Variants in NAB2 observed in about 807,000 individuals in gnomAD.
The protein encoded by NAB2 is NGFI-A-binding protein 2.
NAB2 carries 9 observed loss-of-function variants against 44.2 expected under a neutral mutation model. The observed-to-expected ratio is 0.20, with a 90% CI of 0.12 to 0.36. The LOEUF (loss-of-function observed/expected upper bound fraction) is 0.36, where lower values mean the gene tolerates loss of function less well. NAB2 is among the 10% of genes least tolerant of loss of function. The pLI, the probability that NAB2 is intolerant of heterozygous loss-of-function variation, is 1.00. For synonymous variants in NAB2, 342 were observed against 291.0 expected (o/e 1.18, Z -1.78); for missense variants, 514 against 709.0 (o/e 0.73, Z 3.12).
At position 57,094,777 on chromosome 12, in the gene NAB2, C is replaced by G. The variant is rs2033306643; in HGVS notation, c.*56C>G. On this transcript the variant is annotated 3_prime_UTR_variant, in exon 7 of 7. Coordinates refer to ENST00000300131, the MANE Select transcript of NAB2 (RefSeq NM_005967.4). ...CTCAGACTTCTGGCTCACACAGACC[C>G]CCACGCTCTCCATCCCCGGAATCTA... is the stretch of plus-strand genomic sequence containing the variant. 2.2e-6 allele frequency: 3 copies of G among 1,381,702 alleles called. No individual in the cohort carries two copies. The East Asian group carries it at 7.5e-5, about 35-fold the overall frequency. The allele number at this position is 1,381,702 out of a possible 1,614,324, so 85.6% of individuals were successfully genotyped here.
chr12:57,092,062 C>T (rs896596926), intron 2 of NAB2, 64 bp downstream of exon 2: 11 of 1,540,390 alleles, frequency 7.1e-6, no homozygotes, highest in Admixed American at 3.9e-5. Context: ...CTTACCTCTG[C>T]GAGTTTCTAC....
rs1199917675 is a variant in NAB2, at chr12:57,089,325, C to CG, written c.55dup (p.Ala19GlyfsTer41). The CG allele has an allele frequency of 6.3e-7, 1 of 1,576,372 alleles. No individual in the cohort carries two copies. Among genetic ancestry groups the CG allele is most frequent in the Non-Finnish European group, 8.6e-7 (1 of 1,161,524 alleles). On this transcript the variant is annotated frameshift_variant, in exon 1 of 7. Transcript: ENST00000300131. LOFTEE classifies it high-confidence loss of function. Reference sequence around the variant, plus strand: ...AGCAGCCGCCGGGCGGAGGGGACAGCGCCCGCCGGACCCTGCAGCCCAGAC... The same window carrying CG: ...AGCAGCCGCCGGGCGGAGGGGACAGCGGCCCGCCGGACCCTGCAGCCCAGAC...
intron 3 of NAB2, 101 bp from the exon 4 acceptor site, chr12:57,092,816 C>G: frequency 6.7e-7 from 1 of 1,498,598 alleles, no homozygotes. Flanking sequence ...AGCTTCTTGG[C>G]AAAGGTTTTA....
Position 57,091,520 on chromosome 12 carries a change from C to G in NAB2, c.479C>G (p.Pro160Arg). 6.2e-7 allele frequency: 1 copy of G among 1,613,616 alleles called. No individual in the cohort carries two copies. Among genetic ancestry groups the G allele is most frequent in the Non-Finnish European group, 8.5e-7 (1 of 1,179,834 alleles). ...EKAGSARSFSPKSPLELGEKL... is the reference protein window; with the variant it reads ...EKAGSARSFSRKSPLELGEKL... ...GCAGGCAGTGCCCGCAGTTTTAGCCCCAAGAGCCCCCTTGAACTTGGAGAG... is the reference window on the plus strand; with the variant it reads ...GCAGGCAGTGCCCGCAGTTTTAGCCGCAAGAGCCCCCTTGAACTTGGAGAG... Residue 160 changes from proline (P) to arginine (R), a missense_variant, in exon 2 of 7, where the codon CCC (proline) becomes CGC (arginine). By Grantham distance (103) the Pro-to-Arg change is moderately radical (BLOSUM62 -2). Transcript: ENST00000300131. The surrounding 1 kb of genome is among the most constrained non-coding windows in gnomAD (Gnocchi z 7.3).
chr12:57,094,731 T>G lies in NAB2; in HGVS notation c.*10T>G. ...GGCCAGCCGGCAGTGAGGGTTGGAC[T>G]GGTGTCTTCAGACCCAGGACCTCAG... On this transcript the variant is annotated 3_prime_UTR_variant, in exon 7 of 7. Coordinates refer to ENST00000300131, the MANE Select transcript of NAB2 (RefSeq NM_005967.4). The G allele has an allele frequency of 6.5e-7, 1 of 1,548,366 alleles. No homozygotes were observed.
At chr12:57,092,297 C>A in intron 2 of NAB2, 151 bp from the exon 3 acceptor site, 1 of 1,228,162 alleles carries the variant, frequency 8.1e-7, no homozygotes, top group Non-Finnish European at 1.1e-6. Flanking sequence ...CTCTGTCTTC[C>A]CACCTCAGAA....
At chr12:57,089,865 G>A (rs550329944) in intron 1 of NAB2, among the ~76,000 whole-genome samples, 5 of 152,204 alleles carry the variant, frequency 3.3e-5, no homozygotes, top group Admixed American at 6.5e-5. Context: ...GGGAGTTTCA[G>A]TGTGCAGCCC....
chr12:57,091,495 G>T lies in NAB2; in HGVS notation c.454G>T (p.Ala152Ser). Residue 152 changes from alanine (A) to serine (S), a missense_variant, in exon 2 of 7, where the codon GCA (alanine) becomes TCA (serine). Coordinates refer to ENST00000300131, the MANE Select transcript of NAB2 (RefSeq NM_005967.4). This position sits in a 1 kb window ranked among gnomAD's most constrained non-coding sequence, Gnocchi z 7.3. ...SNGHGSPGEKAGSARSFSPKS... is the reference protein window; with the variant it reads ...SNGHGSPGEKSGSARSFSPKS... ...TGGGCATGGCAGCCCAGGGGAAAAG[G>T]CAGGCAGTGCCCGCAGTTTTAGCCC... is the stretch of plus-strand genomic sequence containing the variant. 1 of 1,614,066 alleles carries T rather than the reference G, an allele frequency of 6.2e-7. No individual in the cohort carries two copies. The highest frequency in any genetic ancestry group is 1.1e-5 in the South Asian group (1 of 91,084).
intron 2 of NAB2, 146 bp from the exon 3 acceptor site, chr12:57,092,302 T>C: frequency 7.9e-7 from 1 of 1,259,688 alleles, no homozygotes; most frequent in Non-Finnish European, 1.1e-6. Context: ...TCTTCCCACC[T>C]CAGAAAGCTC....
Position 57,092,450 on chromosome 12 carries a change from C to T in NAB2, c.960C>T (p.Leu320=), listed in dbSNP as rs374940522. ...REGKQLSLHE[L]TINEAAAQFC... ...TCCTGGCTGCCCTCCCTCCACAGCT[C>T]ACCATCAACGAGGCTGCTGCCCAGT... The change falls in exon 3 of 7, where the codon CTC becomes CTT. Residue 320 remains leucine, a splice_region_variant and synonymous_variant. Transcript: ENST00000300131. The T allele has an allele frequency of 1.2e-6, 2 of 1,613,940 alleles. No individual in the cohort carries two copies. The highest frequency in any genetic ancestry group is 1.3e-5 in the African/African-American group (1 of 74,936).
At chr12:57,094,093 G>A (rs2033270265) in intron 6 of NAB2, among the ~76,000 whole-genome samples, 1 of 151,722 alleles carries the variant, frequency 6.6e-6, no homozygotes, top group Non-Finnish European at 1.5e-5. Flanking sequence ...ACCAACCCTG[G>A]CTTGGTATTT....
chr12:57,091,643 A>G lies in NAB2; in HGVS notation c.602A>G (p.Glu201Gly). ...PESDVGAGGE[E>G]EAGSPPFSPP... Reference sequence around the variant, plus strand: ...TCGGACGTTGGGGCAGGAGGAGAAGAGGAGGCTGGCTCGCCCCCCTTCTCC... The same window carrying G: ...TCGGACGTTGGGGCAGGAGGAGAAGGGGAGGCTGGCTCGCCCCCCTTCTCC... Residue 201 changes from glutamate (E) to glycine (G), a missense_variant, in exon 2 of 7, where the codon GAG becomes GGG. Glu to Gly is a moderately conservative substitution (Grantham distance 98). This residue lies in a region of NAB2 where 177 missense variants were observed against 200.5 expected (regional missense o/e 0.88). Coordinates refer to ENST00000300131, the MANE Select transcript of NAB2 (RefSeq NM_005967.4). This position sits in a 1 kb window ranked among gnomAD's most constrained non-coding sequence, Gnocchi z 7.3. The G allele has an allele frequency of 6.2e-7, 1 of 1,607,730 alleles. No individual in the cohort carries two copies. Among genetic ancestry groups the G allele is most frequent in the Non-Finnish European group, 8.5e-7 (1 of 1,176,396 alleles).
intron 3 of NAB2, 55 bp downstream of exon 3, chr12:57,092,636 T>G: frequency 6.3e-7 from 1 of 1,599,512 alleles, no homozygotes. Flanking sequence ...TGGAGTTAGA[T>G]CATGTCCTAA....
chr12:57,094,472 C>A, intron 6 of NAB2, 140 bp from the exon 7 acceptor site: 1 of 710,040 alleles, frequency 1.4e-6, no homozygotes, highest in Non-Finnish European at 2.5e-6. Context: ...CATACACATG[C>A]AGTGGGCAGG....
intron 1 of NAB2, among the ~76,000 whole-genome samples, 183 bp from the exon 2 acceptor site, chr12:57,090,942 A>G (rs1161948380): frequency 6.6e-6 from 1 of 152,228 alleles, no homozygotes; most frequent in East Asian, 1.9e-4. Flanking sequence ...TGGCTTGTCC[A>G]TGCCTCTGAG....
At position 57,091,037 on chromosome 12, in the gene NAB2, A is replaced by G. The variant is rs1033924180; in HGVS notation, c.84-88A>G. The stretch of plus-strand genomic sequence containing the variant: ...ATGAGGGAGGGGAAGAAAAGCAGGC[A>G]GGAAAGAGGGAACAATTGTTAGTGT... On this transcript the variant is annotated intron_variant, in intron 1 of 6. Coordinates refer to ENST00000300131, the MANE Select transcript of NAB2 (RefSeq NM_005967.4). This position sits in a 1 kb window ranked among gnomAD's most constrained non-coding sequence, Gnocchi z 7.3. 5.4e-5 allele frequency: 62 copies of G among 1,156,354 alleles called. 1 individual carries two copies. Among genetic ancestry groups the G allele is most frequent in the African/African-American group, 3.5e-4 (23 of 65,112 alleles). 71.6% of individuals were successfully genotyped at this position (1,156,354 alleles called of 1,614,324 possible). A position where few individuals can be genotyped will look rare whatever the true frequency, so the allele number is the denominator to read the frequency against.
At position 57,089,169 on chromosome 12, in the gene NAB2, G is replaced by C; in HGVS notation, c.-103G>C. The C allele has an allele frequency of 8.2e-7, 1 of 1,220,954 alleles. No individual in the cohort carries two copies. Among genetic ancestry groups the C allele is most frequent in the Non-Finnish European group, 1.2e-6 (1 of 861,046 alleles). The allele number at this position is 1,220,954 out of a possible 1,614,324, so 75.6% of individuals were successfully genotyped here. ...GACGTGGAGGGAGGGACAGAGCCTG[G>C]ACAGCGGTGGACACGGCATCGTGCG... On this transcript the variant is annotated 5_prime_UTR_variant, in exon 1 of 7. Coordinates refer to ENST00000300131, the MANE Select transcript of NAB2 (RefSeq NM_005967.4).
intron 1 of NAB2, 59 bp downstream of exon 1, chr12:57,089,413 G>A (rs1247293481): frequency 6.8e-7 from 1 of 1,465,722 alleles, no homozygotes; most frequent in Non-Finnish European, 9.3e-7. Flanking sequence ...ACTTGGGAAT[G>A]GGGTCCAGAG....
intron 6 of NAB2, among the ~76,000 whole-genome samples, chr12:57,094,380 GAA>G (rs970141477): frequency 7.2e-5 from 11 of 151,956 alleles, no homozygotes; most frequent in South Asian, 4.2e-4. Flanking sequence ...AGGCGGGAGA[GAA>G]AGAGAGAGAG....
Sources: gnomAD v4.1 joint callset for allele counts (sites outside exome capture counted in the v4.1 genomes callset) on GRCh38, gnomAD v4.1.1 for gene constraint, gnomAD v4.1.1 regional missense constraint, Gnocchi (gnomAD v3.1) non-coding constraint, MANE v1.5 for transcripts, NCBI Gene and HGNC (gene_info 2026-07-23, HGNC 2026-07-21) for gene names.